The following RBFOX1 variants were observed in gnomAD, a reference collection of about 807,000 sequenced individuals.
The protein encoded by RBFOX1 is RNA binding fox-1 homolog 1.
A neutral mutation model predicts 57.7 loss-of-function variants in RBFOX1; 8 were observed. The observed-to-expected ratio is 0.14, with a 90% confidence interval of 0.08 to 0.25. The LOEUF (loss-of-function observed/expected upper bound fraction) is 0.25. RBFOX1 is among the 10% of genes least tolerant of loss of function. The probability of loss-of-function intolerance (pLI) is 1.00; values close to 1 mark genes in which losing one functional copy is unlikely to be tolerated. For synonymous variants in RBFOX1, 326 were observed against 222.4 expected (o/e 1.47, Z -4.15); for missense variants, 611 against 548.5 (o/e 1.11, Z -1.14).
At chr16:6,302,577 G>A (rs1458688434) in intron 1 of RBFOX1, among the ~76,000 whole-genome samples, 4 of 152,274 alleles carry the variant, frequency 2.6e-5, no homozygotes, top group South Asian at 2.1e-4. Context: ...TATTGACAGC[G>A]TTGAACCATA....
At chr16:6,651,514 A>T (rs2098595779) in intron 2 of RBFOX1, among the ~76,000 whole-genome samples, 1 of 152,130 alleles carries the variant, frequency 6.6e-6, no homozygotes, top group African/African-American at 2.4e-5. Flanking sequence ...AATAGAAGTC[A>T]GATCATGCCT....
At chr16:5,849,635 C>T (rs1022320046) in intron 3 of RBFOX1, among the ~76,000 whole-genome samples, 7 of 152,056 alleles carry the variant, frequency 4.6e-5, no homozygotes, top group East Asian at 1.9e-4. Flanking sequence ...CTGGAAGTGC[C>T]GACTGCTCAC....
chr16:6,373,553 G>A (rs1225940786), intron 2 of RBFOX1, among the ~76,000 whole-genome samples: 1 of 151,292 alleles, frequency 6.6e-6, no homozygotes, highest in Admixed American at 6.6e-5. Context: ...CACAGGGTAC[G>A]AGGATTGTTG....
chr16:6,981,591 G>A (rs974463241), intron 3 of RBFOX1, among the ~76,000 whole-genome samples: 2 of 152,162 alleles, frequency 1.3e-5, no homozygotes, highest in Admixed American at 1.3e-4. Context: ...GGCTGGGGAG[G>A]CCTCACAGTC....
intron 6 of RBFOX1, among the ~76,000 whole-genome samples, chr16:7,582,195 C>T (rs1291074503): frequency 2.0e-5 from 3 of 152,064 alleles, no homozygotes; most frequent in African/African-American, 7.2e-5. Context: ...ACTTTAAAGT[C>T]AAGATTTTCA....
At chr16:6,013,510 A>G (rs111975125) in intron 4 of RBFOX1, among the ~76,000 whole-genome samples, 5 of 152,236 alleles carry the variant, frequency 3.3e-5, no homozygotes, top group African/African-American at 9.6e-5. Context: ...GCCTGGCTAC[A>G]TGGAGATGAG....
intron 4 of RBFOX1, among the ~76,000 whole-genome samples, chr16:7,204,071 A>T (rs565844534): frequency 6.6e-6 from 1 of 152,222 alleles, no homozygotes; most frequent in Non-Finnish European, 1.5e-5. Context: ...CCAGATTTCC[A>T]TATTTAAACT....
chr16:6,864,834 C>A (rs978383528), intron 3 of RBFOX1, among the ~76,000 whole-genome samples: 1 of 151,752 alleles, frequency 6.6e-6, no homozygotes, highest in African/African-American at 2.4e-5. Flanking sequence ...TTTGTTGAGG[C>A]CATTTCCCTT....
At chr16:7,112,531 T>C (rs1763918668) in intron 4 of RBFOX1, among the ~76,000 whole-genome samples, 1 of 152,080 alleles carries the variant, frequency 6.6e-6, no homozygotes, top group Non-Finnish European at 1.5e-5. Context: ...TTAACATATA[T>C]TGTCCATCAA....
intron 4 of RBFOX1, among the ~76,000 whole-genome samples, chr16:5,932,608 C>G (rs1037182774): frequency 1.3e-5 from 2 of 152,166 alleles, no homozygotes; most frequent in African/African-American, 4.8e-5. Flanking sequence ...AACAAACACA[C>G]TCTTTAAGTA....
intron 1 of RBFOX1, among the ~76,000 whole-genome samples, chr16:6,062,474 C>A (rs969448634): frequency 6.6e-6 from 1 of 151,916 alleles, no homozygotes; most frequent in Admixed American, 6.6e-5. Flanking sequence ...GTTTTAGAAG[C>A]TGTGCTCCAA....
At chr16:5,443,660 C>A (rs770447826) in intron 1 of RBFOX1, among the ~76,000 whole-genome samples, 11 of 152,162 alleles carry the variant, frequency 7.2e-5, no homozygotes, top group Admixed American at 6.5e-5. Flanking sequence ...CTTAACCACT[C>A]TAATTTTTAT....
chr16:6,481,015 G>A (rs949113507), intron 2 of RBFOX1, among the ~76,000 whole-genome samples: 4 of 152,258 alleles, frequency 2.6e-5, no homozygotes, highest in Non-Finnish European at 4.4e-5. Flanking sequence ...ATCCACAAAT[G>A]TATCTTGTGC....
chr16:6,364,253 C>G (rs1271826419), intron 2 of RBFOX1, among the ~76,000 whole-genome samples: 2 of 152,100 alleles, frequency 1.3e-5, no homozygotes, highest in African/African-American at 2.4e-5. Flanking sequence ...AGTATAAAGC[C>G]CTTTACCTGA....
intron 3 of RBFOX1, among the ~76,000 whole-genome samples, chr16:6,741,944 T>A (rs2072292068): frequency 6.6e-6 from 1 of 152,210 alleles, no homozygotes; most frequent in Non-Finnish European, 1.5e-5. Context: ...TAGTTAATAA[T>A]TCTGTATTAT....
chr16:7,558,481 A>G (rs573670970), intron 5 of RBFOX1, among the ~76,000 whole-genome samples: 59 of 152,220 alleles, frequency 3.9e-4, no homozygotes, highest in African/African-American at 1.3e-3. Flanking sequence ...ACATAAATAC[A>G]TGTGTACACA....
At chr16:6,135,377 A>T (rs374157706) in intron 1 of RBFOX1, among the ~76,000 whole-genome samples, 5 of 152,196 alleles carry the variant, frequency 3.3e-5, no homozygotes, top group Non-Finnish European at 7.3e-5. Context: ...GTACCATAGA[A>T]TTCAGTGCAG....
At chr16:7,125,959 C>T (rs1293897209) in intron 4 of RBFOX1, among the ~76,000 whole-genome samples, 6 of 152,002 alleles carry the variant, frequency 3.9e-5, no homozygotes, top group East Asian at 1.9e-4. Flanking sequence ...GGCACACACC[C>T]GTAATCCCAG....
chr16:6,615,063 C>T (rs1041533152), intron 2 of RBFOX1, among the ~76,000 whole-genome samples: 13 of 152,142 alleles, frequency 8.5e-5, no homozygotes, highest in Admixed American at 2.0e-4. Flanking sequence ...GTGCTGCAGA[C>T]GAGGGCCATG....
Sources: gnomAD v4.1 joint callset for allele counts (sites outside exome capture counted in the v4.1 genomes callset) on GRCh38, gnomAD v4.1.1 for gene constraint, MANE v1.5 for transcripts, NCBI Gene and HGNC (gene_info 2026-07-23, HGNC 2026-07-21) for gene names.